The following LYPD6 variants were observed in gnomAD, a reference collection of about 807,000 sequenced individuals.
The protein encoded by LYPD6 is LY6/PLAUR domain containing 6.
A neutral mutation model predicts 22.7 loss-of-function variants in LYPD6; 15 were observed. The observed-to-expected ratio is 0.66, with a 90% CI of 0.44 to 1.02. The LOEUF (loss-of-function observed/expected upper bound fraction) is 1.02. Among genes scored for constraint, LYPD6 ranks in the 50% least tolerant of loss-of-function variants. The pLI is 0.00. For missense variants in LYPD6, 189 were observed against 208.4 expected, an observed-to-expected ratio of 0.91 and a Z score of 0.57; for synonymous variants, 72 against 77.5, an observed-to-expected ratio of 0.93 and a Z score of 0.37.
At chr2:149,480,019 CTTT>C in the LYPD6 span, among the ~76,000 whole-genome samples, 3 of 144,116 alleles carry the variant, frequency 2.1e-5, no homozygotes, top group East Asian at 2.0e-4. Flanking sequence ...TTTTCTCTCT[CTTT>C]TTTTTTTTTT....
rs548433994 is a variant in LYPD6 at position 149,394,783 on chromosome 2, C to G, written c.-71-42855C>G. On this transcript the variant is annotated intron_variant, in intron 1 of 4. Coordinates refer to ENST00000334166, the MANE Select transcript of LYPD6 (RefSeq NM_194317.5). ...CTTTCCTTCCGTTGATACTCACTCC[C>G]TGCTCACCACCATCAACCAGTGTTG... 3.9e-5 allele frequency among the ~76,000 whole-genome samples: 6 copies of G among 152,278 alleles called. No individual in the cohort carries two copies. In the South Asian group the frequency reaches 6.2e-4, roughly 16 times the overall value.
chr2:149,445,594 A>G (rs1314649436), intron 2 of LYPD6, among the ~76,000 whole-genome samples: 3 of 152,202 alleles, frequency 2.0e-5, no homozygotes, highest in Non-Finnish European at 4.4e-5. Context: ...ATGTTATGGA[A>G]ATGGATTTTT....
intron 1 of LYPD6, among the ~76,000 whole-genome samples, chr2:149,436,787 T>A (rs920515555): frequency 2.0e-5 from 3 of 152,186 alleles, no homozygotes; most frequent in African/African-American, 7.2e-5. Flanking sequence ...TTCACTGTAT[T>A]GGCCAGGCTG....
chr2:149,363,478 G>A (rs372576058), intron 1 of LYPD6, among the ~76,000 whole-genome samples: 4 of 152,152 alleles, frequency 2.6e-5, no homozygotes, highest in Admixed American at 6.5e-5. Context: ...TGGCCACAGC[G>A]CTGTATCCTG....
chr2:149,451,516 G>C (rs1680810182), intron 3 of LYPD6, among the ~76,000 whole-genome samples: 1 of 152,130 alleles, frequency 6.6e-6, no homozygotes. Context: ...ATTCTGTGTA[G>C]GCTCTGGGCC....
intron 1 of LYPD6, among the ~76,000 whole-genome samples, chr2:149,347,226 C>T (rs1345417584): frequency 6.6e-6 from 1 of 152,112 alleles, no homozygotes; most frequent in Non-Finnish European, 1.5e-5. Context: ...GCAAGTTCTT[C>T]TATGTCTCAT....
chr2:149,346,902 T>A (rs1264942114), intron 1 of LYPD6, among the ~76,000 whole-genome samples: 2 of 152,208 alleles, frequency 1.3e-5, no homozygotes, highest in Non-Finnish European at 2.9e-5. Context: ...GGTTTCACCA[T>A]GTTGGCCAGG....
intron 1 of LYPD6, among the ~76,000 whole-genome samples, chr2:149,337,220 TG>T (rs1681051843): frequency 6.6e-6 from 1 of 152,102 alleles, no homozygotes. Flanking sequence ...GTAAATACGT[TG>T]GAATGTTTTG....
intron 1 of LYPD6, among the ~76,000 whole-genome samples, chr2:149,374,409 C>T (rs1182106364): frequency 6.6e-6 from 1 of 152,150 alleles, no homozygotes; most frequent in Non-Finnish European, 1.5e-5. Flanking sequence ...TTTCCTACTT[C>T]CTGTGACACA....
chr2:149,346,531 C>T (rs1051496220), intron 1 of LYPD6, among the ~76,000 whole-genome samples: 1 of 152,136 alleles, frequency 6.6e-6, no homozygotes, highest in African/African-American at 2.4e-5. Context: ...TCCATAAAGT[C>T]TTCTACATAA....
chr2:149,346,283 T>C (rs1681254638), intron 1 of LYPD6, among the ~76,000 whole-genome samples: 1 of 152,286 alleles, frequency 6.6e-6, no homozygotes. Context: ...AAGTTAAAAT[T>C]ATTGTACATA....
intron 1 of LYPD6, among the ~76,000 whole-genome samples, chr2:149,418,301 A>T (rs1203186451): frequency 6.6e-6 from 1 of 152,220 alleles, no homozygotes; most frequent in African/African-American, 2.4e-5. Flanking sequence ...GCAAGCTGCG[A>T]TTCGATCATT....
chr2:149,380,048 A>C (rs759891226), intron 1 of LYPD6, among the ~76,000 whole-genome samples: 4 of 151,674 alleles, frequency 2.6e-5, no homozygotes, highest in Non-Finnish European at 5.9e-5. Context: ...AACTAGATGG[A>C]GGTAAGGAGG....
chr2:149,454,903 C>A (rs574384861), intron 3 of LYPD6, among the ~76,000 whole-genome samples: 2 of 152,284 alleles, frequency 1.3e-5, no homozygotes, highest in South Asian at 2.1e-4. Flanking sequence ...GCTCTGATCT[C>A]CTGTTTGTGC....
chr2:149,454,995 C>G (rs1015446496), intron 3 of LYPD6, among the ~76,000 whole-genome samples: 1 of 151,980 alleles, frequency 6.6e-6, no homozygotes, highest in Admixed American at 6.6e-5. Flanking sequence ...TTCTCAGCCT[C>G]TCCACCTGTG....
chr2:149,468,863 T>TC lies in LYPD6; in HGVS notation c.348+93dup, dbSNP rs1400120733. 6 of 1,401,722 alleles carry TC rather than the reference T, an allele frequency of 4.3e-6. No individual in the cohort carries two copies. In the Middle Eastern group the frequency reaches 7.4e-4, roughly 174 times the overall value. The allele number at this position is 1,401,722 out of a possible 1,614,324, so 86.8% of individuals were successfully genotyped here. A position where few individuals can be genotyped will look rare whatever the true frequency, so the allele number is the denominator to read the frequency against. ...CCAGTACTCATGAGCAGATTCTTAC[T>TC]CCCCCGTGAAGGCTGTCTTTTGATT... On this transcript the variant is annotated intron_variant, in intron 4 of 4. Coordinates refer to ENST00000334166, the MANE Select transcript of LYPD6 (RefSeq NM_194317.5).
At chr2:149,468,150 C>CACACAA (rs1197788216) in intron 3 of LYPD6, among the ~76,000 whole-genome samples, 12 of 138,422 alleles carry the variant, frequency 8.7e-5, no homozygotes, top group Non-Finnish European at 1.8e-4. Context: ...CACACACACA[C>CACACAA]ACACACACAC....
chr2:149,429,030 C>T (rs1004627599), intron 1 of LYPD6, among the ~76,000 whole-genome samples: 35 of 152,102 alleles, frequency 2.3e-4, no homozygotes, highest in African/African-American at 8.2e-4. Flanking sequence ...GTTTTGCTCT[C>T]CCAGCATCTA....
chr2:149,436,709 G>C (rs987583192), intron 1 of LYPD6, among the ~76,000 whole-genome samples: 20 of 152,078 alleles, frequency 1.3e-4, no homozygotes, highest in African/African-American at 4.3e-4. Context: ...CCTCCCGAGA[G>C]TAGCTGAGAT....
Sources: allele counts gnomAD v4.1 joint callset (sites outside exome capture counted in the v4.1 genomes callset), GRCh38; gene constraint gnomAD v4.1.1; transcripts MANE v1.5; gene names NCBI Gene and HGNC (gene_info 2026-07-23, HGNC 2026-07-21).